The following MAGI1 variants were observed in gnomAD, a reference collection of about 807,000 sequenced individuals.
The protein encoded by MAGI1 is membrane associated guanylate kinase, WW and PDZ domain containing 1, also known as membrane-associated guanylate kinase, WW and PDZ domain-containing protein 1.
A neutral mutation model predicts 139.9 loss-of-function variants in MAGI1; 58 were observed. The observed-to-expected ratio is 0.41, with a 90% confidence interval of 0.34 to 0.52. MAGI1 has a LOEUF of 0.52. MAGI1 is among the 20% of genes least tolerant of loss of function. The pLI, the probability that MAGI1 is intolerant of heterozygous loss-of-function variation, is 0.12. For missense variants in MAGI1, 1,874 were observed against 1,901.6 expected (o/e 0.99, Z 0.27); for synonymous variants, 812 against 737.9 (o/e 1.10, Z -1.63).
At chr3:65,791,160 G>A (rs1463487565) in intron 1 of MAGI1, among the ~76,000 whole-genome samples, 3 of 152,158 alleles carry the variant, frequency 2.0e-5, no homozygotes, top group Non-Finnish European at 4.4e-5. Flanking sequence ...CCCACACAGC[G>A]CGTGCTGTCC....
intron 1 of MAGI1, among the ~76,000 whole-genome samples, chr3:65,929,737 A>G (rs1325415401): frequency 2.0e-5 from 3 of 152,112 alleles, no homozygotes; most frequent in African/African-American, 7.2e-5. Context: ...AAAGCCATAA[A>G]AGTTTAAAAC....
intron 1 of MAGI1, among the ~76,000 whole-genome samples, chr3:65,929,069 A>G (rs894202710): frequency 6.6e-6 from 1 of 151,788 alleles, no homozygotes; most frequent in African/African-American, 2.4e-5. Flanking sequence ...GGGAGGGATC[A>G]CTTAAGCCCA....
At chr3:65,929,929 T>C (rs1233177797) in intron 1 of MAGI1, among the ~76,000 whole-genome samples, 1 of 152,162 alleles carries the variant, frequency 6.6e-6, no homozygotes, top group Non-Finnish European at 1.5e-5. Context: ...GGCAAGTCAC[T>C]TGAACCAAGT....
chr3:65,598,637 A>G (rs1227828191), intron 2 of MAGI1, among the ~76,000 whole-genome samples: 1 of 152,248 alleles, frequency 6.6e-6, no homozygotes, highest in Non-Finnish European at 1.5e-5. Flanking sequence ...CACTTCAAGA[A>G]TCAAAGGTAC....
chr3:65,396,574 T>C (rs1305401899), intron 13 of MAGI1, among the ~76,000 whole-genome samples: 3 of 152,234 alleles, frequency 2.0e-5, no homozygotes, highest in Admixed American at 1.3e-4. Flanking sequence ...ACTGAAAATA[T>C]TTGCTTGGAA....
intron 2 of MAGI1, among the ~76,000 whole-genome samples, chr3:65,527,695 A>G (rs1576193028): frequency 2.0e-5 from 3 of 152,204 alleles, no homozygotes; most frequent in Non-Finnish European, 4.4e-5. Context: ...ACTGTACTCC[A>G]GCCTGGGCAA....
At chr3:65,440,354 G>A (rs1948192158) in intron 8 of MAGI1, among the ~76,000 whole-genome samples, 1 of 152,108 alleles carries the variant, frequency 6.6e-6, no homozygotes, top group South Asian at 2.1e-4. Flanking sequence ...TAGCTAGTAA[G>A]CAGGAAACAG....
chr3:65,737,284 C>G (rs550872441), intron 1 of MAGI1, among the ~76,000 whole-genome samples: 6 of 152,352 alleles, frequency 3.9e-5, no homozygotes, highest in Admixed American at 2.6e-4. Context: ...GGATTACAGG[C>G]GTAAGCCACT....
chr3:65,581,377 A>T (rs9839533), intron 2 of MAGI1, among the ~76,000 whole-genome samples: 43,496 of 152,064 alleles, frequency 0.29, 6,345 homozygotes, highest in Admixed American at 0.36. Context: ...AAAAAAAGGC[A>T]AATGAGGCCA....
intron 4 of MAGI1, among the ~76,000 whole-genome samples, chr3:65,477,071 CATA>C (rs927259050): frequency 1.3e-5 from 2 of 152,264 alleles, no homozygotes; most frequent in East Asian, 1.9e-4. Context: ...ATGAGTTAGG[CATA>C]ATGTTTCTAA....
chr3:65,845,937 CT>C (rs2058977664), intron 1 of MAGI1, among the ~76,000 whole-genome samples: 1 of 152,200 alleles, frequency 6.6e-6, no homozygotes, highest in Non-Finnish European at 1.5e-5. Context: ...TTCTTTTGTC[CT>C]TTTCTGGTTC....
At position 65,774,106 on chromosome 3, in the gene MAGI1, T is replaced by TAAA. The variant is rs10622916; in HGVS notation, c.314-152021_314-152019dup. Among the ~76,000 whole-genome samples, 295 of 146,818 alleles carry TAAA rather than the reference T, an allele frequency of 2.0e-3. 1 individual carries two copies. Among genetic ancestry groups the TAAA allele is most frequent in the Admixed American group, 6.1e-3 (90 of 14,712 alleles). ...CATAGCCCCAGATCCACTGGCTAGT[T>TAAA]AAAAAAAAAAAAAAATTAATTGCTA... On this transcript the variant is annotated intron_variant, in intron 1 of 22. Coordinates refer to ENST00000402939, the MANE Select transcript of MAGI1 (RefSeq NM_001033057.2).
At chr3:65,775,265 G>T (rs1053063698) in intron 1 of MAGI1, among the ~76,000 whole-genome samples, 1 of 151,644 alleles carries the variant, frequency 6.6e-6, no homozygotes, top group African/African-American at 2.4e-5. Context: ...GGGCAACATG[G>T]CAAAACCCCA....
intron 1 of MAGI1, among the ~76,000 whole-genome samples, chr3:65,876,868 C>T (rs1425554949): frequency 6.6e-6 from 1 of 151,754 alleles, no homozygotes; most frequent in Non-Finnish European, 1.5e-5. Context: ...CTCAGCCTCC[C>T]GATTAGCTGG....
At chr3:65,496,279 G>A (rs1375888896) in intron 2 of MAGI1, among the ~76,000 whole-genome samples, 1 of 151,432 alleles carries the variant, frequency 6.6e-6, no homozygotes, top group Non-Finnish European at 1.5e-5. Flanking sequence ...CTGGCTTCAA[G>A]CAGTCCTCCT....
chr3:65,969,109 A>C (rs1307007386), intron 1 of MAGI1, among the ~76,000 whole-genome samples: 2 of 152,168 alleles, frequency 1.3e-5, no homozygotes, highest in Non-Finnish European at 2.9e-5. Context: ...CCTTCATAGA[A>C]CCCAAGGGAA....
intron 2 of MAGI1, among the ~76,000 whole-genome samples, chr3:65,588,522 T>C (rs544867010): frequency 1.3e-5 from 2 of 152,328 alleles, no homozygotes; most frequent in East Asian, 3.9e-4. Context: ...ATCTAGGCAA[T>C]GTAGATGAAA....
At chr3:65,359,215 A>G in intron 22 of MAGI1, 1 of 1,599,140 alleles carries the variant, frequency 6.3e-7, no homozygotes, top group Non-Finnish European at 8.5e-7. Flanking sequence ...AGAAAGAGAA[A>G]AAGTTGAACA....
At chr3:65,459,513 T>C (rs1949633076) in intron 5 of MAGI1, among the ~76,000 whole-genome samples, 1 of 152,218 alleles carries the variant, frequency 6.6e-6, no homozygotes, top group African/African-American at 2.4e-5. Context: ...ATTTTCTTTG[T>C]ACGTTTCTCA....
Sources: allele counts gnomAD v4.1 joint callset (sites outside exome capture counted in the v4.1 genomes callset), GRCh38; gene constraint gnomAD v4.1.1; transcripts MANE v1.5; gene names NCBI Gene and HGNC (gene_info 2026-07-23, HGNC 2026-07-21).